AMOTL1: variants seen among roughly 807,000 people sequenced by gnomAD.
The protein encoded by AMOTL1 is angiomotin like 1.
A neutral mutation model predicts 102.9 loss-of-function variants in AMOTL1; 45 were observed. The ratio of observed to expected loss-of-function variants is 0.44; its 90% CI spans 0.34 to 0.56. AMOTL1 has a LOEUF of 0.56. Ranked by LOEUF, AMOTL1 falls within the 20% of genes least tolerant of loss-of-function variation. The pLI, the probability that AMOTL1 is intolerant of heterozygous loss-of-function variation, is 0.01. For missense variants in AMOTL1, 1,114 were observed against 1,225.6 expected, an observed-to-expected ratio of 0.91 and a Z score of 1.36; for synonymous variants, 481 against 484.7, an observed-to-expected ratio of 0.99 and a Z score of 0.10.
upstream of AMOTL1, among the ~76,000 whole-genome samples, chr11:94,766,376 A>G (rs535366110): frequency 6.6e-5 from 10 of 152,308 alleles, no homozygotes; most frequent in East Asian, 1.9e-3. Context: ...TCATCTTGCC[A>G]AAAAGGATAC....
At chr11:94,736,008 G>A (rs1950434797) in intron 2 of AMOTL1, among the ~76,000 whole-genome samples, 1 of 152,052 alleles carries the variant, frequency 6.6e-6, no homozygotes, top group South Asian at 2.1e-4. Context: ...TAGACACCAG[G>A]CCCCTGTATA....
In AMOTL1 at chr11:94,876,273, C is replaced by T. The variant is rs1953093564; in HGVS notation, c.*5478C>T. On this transcript the variant is annotated 3_prime_UTR_variant, in exon 13 of 13. Coordinates refer to ENST00000433060, the MANE Select transcript of AMOTL1 (RefSeq NM_130847.3). The stretch of plus-strand genomic sequence containing the variant: ...TTGAGGAGGAACAGGGAGCCTCCTC[C>T]TCCATGAGCACTTACAGAATTGTGT... 1 of 152,588 alleles carries T rather than the reference C, an allele frequency of 6.6e-6. No homozygotes were observed. 9.5% of individuals were successfully genotyped at this position (152,588 alleles called of 1,614,324 possible). A position where few individuals can be genotyped will look rare whatever the true frequency, so the allele number is the denominator to read the frequency against.
At chr11:94,764,091 AG>A (rs1950826984), upstream of AMOTL1, among the ~76,000 whole-genome samples, 1 of 152,212 alleles carries the variant, frequency 6.6e-6, no homozygotes, top group Non-Finnish European at 1.5e-5. Flanking sequence ...TCCTCCTCTC[AG>A]CACCTGGATT....
chr11:94,865,857 A>C, intron 10 of AMOTL1, 85 bp from the exon 11 acceptor site: 1 of 1,172,496 alleles, frequency 8.5e-7, no homozygotes, highest in Non-Finnish European at 1.2e-6. Context: ...TTACAATTAA[A>C]GTCTTTGGGA....
chr11:94,781,575 C>T (rs1170151138), intron 1 of AMOTL1, among the ~76,000 whole-genome samples: 10 of 152,128 alleles, frequency 6.6e-5, no homozygotes, highest in African/African-American at 2.2e-4. Context: ...CGGTGGCTCA[C>T]GCCTGTAATC....
At chr11:94,791,533 G>C (rs1951285844) in intron 1 of AMOTL1, among the ~76,000 whole-genome samples, 1 of 152,214 alleles carries the variant, frequency 6.6e-6, no homozygotes, top group African/African-American at 2.4e-5. Flanking sequence ...GCTTGTATGG[G>C]AATGGTCTTT....
intron 3 of AMOTL1, among the ~76,000 whole-genome samples, chr11:94,803,223 T>A (rs891582648): frequency 5.9e-5 from 9 of 152,000 alleles, no homozygotes; most frequent in African/African-American, 2.2e-4. Flanking sequence ...AGAATTTGAG[T>A]TTTTTGTGAT....
chr11:94,742,804 T>C (rs568280209), intron 3 of AMOTL1, among the ~76,000 whole-genome samples: 2 of 152,318 alleles, frequency 1.3e-5, no homozygotes, highest in Admixed American at 6.5e-5. Context: ...AGGTTCAGTG[T>C]CTGGTGAGGG....
intron 1 of AMOTL1, among the ~76,000 whole-genome samples, chr11:94,708,310 G>A (rs1949964618): frequency 6.6e-6 from 1 of 152,174 alleles, no homozygotes; most frequent in South Asian, 2.1e-4. Flanking sequence ...TATGACTCTT[G>A]TAGGTGCTTT....
At chr11:94,708,805 G>A (rs74994927) in intron 1 of AMOTL1, among the ~76,000 whole-genome samples, 3,221 of 152,168 alleles carry the variant, frequency 0.021, 123 homozygotes, top group African/African-American at 0.072. Context: ...ATCTATAAAC[G>A]TCTATAAAGC....
At chr11:94,819,068 G>T (rs181998696) in intron 3 of AMOTL1, among the ~76,000 whole-genome samples, 3 of 152,174 alleles carry the variant, frequency 2.0e-5, no homozygotes, top group African/African-American at 7.2e-5. Flanking sequence ...TACTAAAAAT[G>T]ATCTTTCCTA....
chr11:94,850,405 A>C, intron 7 of AMOTL1, 146 bp downstream of exon 7: 2 of 1,148,278 alleles, frequency 1.7e-6, no homozygotes, highest in Non-Finnish European at 2.4e-6. Flanking sequence ...CTTCTCAAAT[A>C]AAAGTGAATA....
intron 3 of AMOTL1, 85 bp from the exon 4 acceptor site, chr11:94,821,444 CA>C: frequency 7.1e-7 from 1 of 1,400,300 alleles, no homozygotes; most frequent in South Asian, 1.4e-5. Context: ...CCATGGAAGC[CA>C]TCAACAGTGC....
At chr11:94,716,962 A>T (rs1950107886) in intron 1 of AMOTL1, among the ~76,000 whole-genome samples, 1 of 151,178 alleles carries the variant, frequency 6.6e-6, no homozygotes, top group Non-Finnish European at 1.5e-5. Flanking sequence ...CTCTGGTAGG[A>T]CTCTTCTGGG....
intron 3 of AMOTL1, among the ~76,000 whole-genome samples, chr11:94,745,223 T>C (rs990878675): frequency 6.7e-6 from 1 of 149,270 alleles, no homozygotes; most frequent in African/African-American, 2.5e-5. Flanking sequence ...ATTATGACAT[T>C]ATGACATAAT....
chr11:94,814,396 A>G (rs1287328363), intron 3 of AMOTL1, among the ~76,000 whole-genome samples: 1 of 152,200 alleles, frequency 6.6e-6, no homozygotes, highest in African/African-American at 2.4e-5. Flanking sequence ...TAAATACCAC[A>G]TTACGATGGA....
intron 1 of AMOTL1, among the ~76,000 whole-genome samples, chr11:94,781,310 G>C (rs987741267): frequency 1.3e-5 from 2 of 152,060 alleles, no homozygotes; most frequent in Admixed American, 6.6e-5. Flanking sequence ...ATATCAAAGG[G>C]CCTCTTTCAG....
chr11:94,828,547 C>G (rs745848189), intron 4 of AMOTL1, among the ~76,000 whole-genome samples: 6 of 152,214 alleles, frequency 3.9e-5, no homozygotes, highest in Non-Finnish European at 7.3e-5. Context: ...CCTCCTGCCA[C>G]TTCTACCTTG....
chr11:94,838,986 A>G (rs1272796242), intron 6 of AMOTL1, among the ~76,000 whole-genome samples: 1 of 152,210 alleles, frequency 6.6e-6, no homozygotes, highest in Non-Finnish European at 1.5e-5. Flanking sequence ...AATTCTCACC[A>G]TAAGGATCCT....
Sources: allele counts gnomAD v4.1 joint callset (sites outside exome capture counted in the v4.1 genomes callset), GRCh38; gene constraint gnomAD v4.1.1; transcripts MANE v1.5; gene names NCBI Gene and HGNC (gene_info 2026-07-23, HGNC 2026-07-21).